GRIK2: variants seen among roughly 807,000 people sequenced by gnomAD.
GRIK2 encodes glutamate ionotropic receptor kainate type subunit 2.
Under a neutral mutation model 100.3 loss-of-function variants are expected in GRIK2, and 32 were observed. The observed-to-expected ratio is 0.32, with a 90% CI of 0.24 to 0.43. The LOEUF (loss-of-function observed/expected upper bound fraction) is 0.43. Among genes scored for constraint, GRIK2 ranks in the 20% least tolerant of loss-of-function variants. The probability of loss-of-function intolerance (pLI) is 1.00; values close to 1 mark genes in which losing one functional copy is unlikely to be tolerated. For missense variants in GRIK2, 843 were observed against 1,114.9 expected (o/e 0.76, Z 3.47); for synonymous variants, 417 against 389.4 (o/e 1.07, Z -0.83).
chr6:102,027,511 T>C (rs983740819), intron 14 of GRIK2, among the ~76,000 whole-genome samples: 9 of 151,112 alleles, frequency 6.0e-5, no homozygotes, highest in African/African-American at 2.2e-4. Flanking sequence ...TAATATTATG[T>C]ATAACAAAAC....
At chr6:101,703,823 T>G (rs1773065773) in intron 7 of GRIK2, among the ~76,000 whole-genome samples, 1 of 151,138 alleles carries the variant, frequency 6.6e-6, no homozygotes, top group African/African-American at 2.4e-5. Flanking sequence ...AGGGATTGTT[T>G]ATTGCATTAT....
chr6:101,796,958 A>G (rs1169121378), intron 7 of GRIK2, among the ~76,000 whole-genome samples: 1 of 152,186 alleles, frequency 6.6e-6, no homozygotes, highest in Non-Finnish European at 1.5e-5. Flanking sequence ...AACTGAAACT[A>G]TATACCAGAA....
intron 1 of GRIK2, among the ~76,000 whole-genome samples, chr6:101,397,946 CAG>C (rs1775080316): frequency 6.6e-6 from 1 of 151,200 alleles, no homozygotes; most frequent in Non-Finnish European, 1.5e-5. Context: ...AATAAATAGA[CAG>C]AATATTACTT....
chr6:102,023,795 T>C (rs1769551693), intron 14 of GRIK2, among the ~76,000 whole-genome samples: 1 of 151,478 alleles, frequency 6.6e-6, no homozygotes, highest in Non-Finnish European at 1.5e-5. Flanking sequence ...TGGGGTTGGG[T>C]TAAACAGTTC....
intron 2 of GRIK2, among the ~76,000 whole-genome samples, chr6:101,443,762 A>G (rs926891209): frequency 1.1e-4 from 17 of 152,110 alleles, no homozygotes; most frequent in Admixed American, 9.2e-4. Context: ...CTTACTCTAG[A>G]AATAAGAATA....
rs142140586 is a variant in GRIK2 at position 101,746,446 on chromosome 6, C to T, written c.952-53202C>T. ...GGTTCAATTGATTCTTCTGCCTCAG[C>T]CTCCTGAGTAGCTGGGATAACAGGC... On this transcript the variant is annotated intron_variant, in intron 7 of 16. Coordinates refer to ENST00000369134, the MANE Select transcript of GRIK2 (RefSeq NM_021956.5). Among the ~76,000 whole-genome samples the T allele has an allele frequency of 3.0e-3, 460 of 152,228 alleles. 3 individuals are homozygous for T. The highest frequency in any genetic ancestry group is 0.011 in the African/African-American group (444 of 41,530).
At chr6:101,838,853 A>C (rs1026524636) in intron 10 of GRIK2, among the ~76,000 whole-genome samples, 1 of 151,934 alleles carries the variant, frequency 6.6e-6, no homozygotes, top group African/African-American at 2.4e-5. Context: ...AGGTTTCACC[A>C]TTTTGGCCAG....
chr6:101,816,966 A>G (rs1781670915), intron 9 of GRIK2, among the ~76,000 whole-genome samples: 3 of 152,140 alleles, frequency 2.0e-5, no homozygotes. Context: ...TAAAAATTGC[A>G]CATACTTGCA....
At chr6:101,932,667 C>T (rs1012229149) in intron 14 of GRIK2, among the ~76,000 whole-genome samples, 1 of 151,698 alleles carries the variant, frequency 6.6e-6, no homozygotes, top group Non-Finnish European at 1.5e-5. Context: ...TACTCTACTG[C>T]ACAGCAGGAG....
At chr6:101,982,937 A>ATAT (rs1211806076) in intron 14 of GRIK2, among the ~76,000 whole-genome samples, 1 of 151,796 alleles carries the variant, frequency 6.6e-6, no homozygotes, top group Non-Finnish European at 1.5e-5. Context: ...CTCTGATTCT[A>ATAT]TATTTGGAAA....
intron 7 of GRIK2, among the ~76,000 whole-genome samples, chr6:101,699,399 C>A (rs1277904216): frequency 6.6e-6 from 1 of 152,100 alleles, no homozygotes; most frequent in East Asian, 1.9e-4. Flanking sequence ...ACAAAAGGCA[C>A]CTCTGAGTCT....
intron 14 of GRIK2, among the ~76,000 whole-genome samples, chr6:101,998,788 G>A (rs1188126292): frequency 2.0e-5 from 3 of 147,284 alleles, no homozygotes; most frequent in Non-Finnish European, 4.5e-5. Context: ...GAGCGTATAT[G>A]TGTGAGTTTT....
intron 2 of GRIK2, among the ~76,000 whole-genome samples, chr6:101,526,933 TCTC>T (rs1775186281): frequency 6.6e-6 from 1 of 152,100 alleles, no homozygotes; most frequent in Admixed American, 6.6e-5. Flanking sequence ...AGGCAACACT[TCTC>T]CTAGCAGGTT....
At position 102,017,447 on chromosome 6, in the gene GRIK2, AAAGCCAAACCATATCAATTGC is replaced by A. The variant is rs568728170; in HGVS notation, c.2086-17892_2086-17872del. 9.2e-5 allele frequency among the ~76,000 whole-genome samples: 14 copies of A among 152,290 alleles called. No homozygotes were observed. The South Asian group carries it at 2.9e-3, about 32-fold the overall frequency. ...CCAGATGAGACTTGAGTGGGGACAT[AAAGCCAAACCATATCAATTGC>A]ATATGATATTCCTAGGTATAGTTTT... On this transcript the variant is annotated intron_variant, in intron 14 of 16. Coordinates refer to ENST00000369134, the MANE Select transcript of GRIK2 (RefSeq NM_021956.5).
At chr6:101,427,406 C>T (rs1172870461) in intron 2 of GRIK2, among the ~76,000 whole-genome samples, 1 of 152,158 alleles carries the variant, frequency 6.6e-6, no homozygotes, top group Non-Finnish European at 1.5e-5. Flanking sequence ...TCATAGTTAA[C>T]TTTATCCACG....
chr6:101,587,392 C>T (rs1423430170), intron 2 of GRIK2, among the ~76,000 whole-genome samples: 1 of 151,948 alleles, frequency 6.6e-6, no homozygotes, highest in East Asian at 1.9e-4. Context: ...GTCTGTCCGT[C>T]TGTCTGTCCC....
At chr6:101,445,679 A>G (rs917763031) in intron 2 of GRIK2, among the ~76,000 whole-genome samples, 1 of 152,114 alleles carries the variant, frequency 6.6e-6, no homozygotes, top group African/African-American at 2.4e-5. Flanking sequence ...TGGGCTATGG[A>G]CCCAAATGAG....
At position 101,593,884 on chromosome 6, in the gene GRIK2, C is replaced by T. The variant is rs554319097; in HGVS notation, c.116-28065C>T. 9.9e-5 allele frequency among the ~76,000 whole-genome samples: 15 copies of T among 151,736 alleles called. 1 individual carries two copies. In the South Asian group the frequency reaches 2.7e-3, roughly 27 times the overall value. Reference sequence around the variant, plus strand: ...TTTTACAGAATTTTCAGATAGATTGCGCTATAAGTATTTCTCTAAAATGAA... The same window carrying T: ...TTTTACAGAATTTTCAGATAGATTGTGCTATAAGTATTTCTCTAAAATGAA... On this transcript the variant is annotated intron_variant, in intron 2 of 16. Transcript: ENST00000369134.
intron 2 of GRIK2, among the ~76,000 whole-genome samples, chr6:101,427,424 T>TTACCTAAG (rs1769098755): frequency 6.6e-6 from 1 of 152,242 alleles, no homozygotes; most frequent in African/African-American, 2.4e-5. Flanking sequence ...ACGAATATAT[T>TTACCTAAG]TAGTTACATA....
Sources: gnomAD v4.1 joint callset for allele counts (sites outside exome capture counted in the v4.1 genomes callset) on GRCh38, gnomAD v4.1.1 for gene constraint, MANE v1.5 for transcripts, NCBI Gene and HGNC (gene_info 2026-07-23, HGNC 2026-07-21) for gene names.